Variants in USP12 observed in about 807,000 individuals in gnomAD.
The protein encoded by USP12 is ubiquitin specific peptidase 12.
In USP12, 19 loss-of-function variants were observed where a neutral mutation model predicts 45.5. The ratio of observed to expected loss-of-function variants is 0.42; its 90% CI spans 0.29 to 0.61. USP12 has a LOEUF of 0.61. Among genes scored for constraint, USP12 ranks in the 20% least tolerant of loss-of-function variants. USP12 has a pLI of 0.22. For missense variants in USP12, 242 were observed against 447.7 expected (o/e 0.54, Z 4.15); for synonymous variants, 149 against 148.8 (o/e 1.00, Z -0.01).
intron 1 of USP12, among the ~76,000 whole-genome samples, chr13:27,132,275 T>C (rs1876537798): frequency 6.6e-6 from 1 of 152,200 alleles, no homozygotes; most frequent in South Asian, 2.1e-4. Context: ...GGGTAGCTAA[T>C]GTGTGCAAAG....
intron 1 of USP12, among the ~76,000 whole-genome samples, chr13:27,125,886 T>C (rs1468759780): frequency 6.6e-6 from 1 of 152,208 alleles, no homozygotes; most frequent in Non-Finnish European, 1.5e-5. Flanking sequence ...CCTGGGACGC[T>C]GGAGCTTGGC....
intron 1 of USP12, among the ~76,000 whole-genome samples, chr13:27,163,318 C>T (rs1046238530): frequency 1.3e-5 from 2 of 152,052 alleles, no homozygotes; most frequent in Non-Finnish European, 2.9e-5. Flanking sequence ...TCACAAGACC[C>T]GCTTTCACGC....
At chr13:27,085,855 G>T (rs1873985267) in intron 6 of USP12, among the ~76,000 whole-genome samples, 1 of 151,916 alleles carries the variant, frequency 6.6e-6, no homozygotes, top group Admixed American at 6.6e-5. Context: ...TGGTACTATG[G>T]TATGTTCATA....
At chr13:27,140,046 T>C (rs1485209082) in intron 1 of USP12, among the ~76,000 whole-genome samples, 2 of 152,244 alleles carry the variant, frequency 1.3e-5, no homozygotes, top group African/African-American at 4.8e-5. Flanking sequence ...CTATTGTACT[T>C]ACATTAAAAA....
rs1876393512 is a variant in USP12, at chr13:27,129,475, G to A, written c.49-12879C>T. Among the ~76,000 whole-genome samples the A allele has an allele frequency of 6.6e-6, 1 of 152,170 alleles. No individual in the cohort carries two copies. Among genetic ancestry groups the A allele is most frequent in the South Asian group, 2.1e-4 (1 of 4,830 alleles). On this transcript the variant is annotated intron_variant, in intron 1 of 8. Transcript: ENST00000282344. The surrounding 1 kb of genome is among the most constrained non-coding windows in gnomAD (Gnocchi z 4.0). ...GCAGTGGTTCATGCCCATAATACCA[G>A]CACTTTGGGAAGTCAGAGCAGGAGG...
At position 27,129,890 on chromosome 13, in the gene USP12, C is replaced by T. The variant is rs1876413926; in HGVS notation, c.49-13294G>A. Among the ~76,000 whole-genome samples the T allele has an allele frequency of 2.6e-5, 4 of 152,148 alleles. No individual in the cohort carries two copies. The highest frequency in any genetic ancestry group is 1.3e-4 in the Admixed American group (2 of 15,276). ...GAAGCACGGTCACATCCAAAACATA[C>T]GAGTGGAGTGACCAACATGAAAAAT... On this transcript the variant is annotated intron_variant, in intron 1 of 8. Transcript: ENST00000282344. This position sits in a 1 kb window ranked among gnomAD's most constrained non-coding sequence, Gnocchi z 4.0.
In USP12 at chr13:27,068,756, A is replaced by T. The variant is rs1054005885; in HGVS notation, c.*527T>A. On this transcript the variant is annotated 3_prime_UTR_variant, in exon 9 of 9. Transcript: ENST00000282344. ...AGCAAAACATCTTTGTCTTCCCGAC[A>T]CTGGATTATCTAGCATGTTAGTTTT... is the stretch of plus-strand genomic sequence containing the variant. The T allele has an allele frequency of 1.9e-5, 3 of 154,750 alleles. No homozygotes were observed. Among genetic ancestry groups the T allele is most frequent in the African/African-American group, 7.2e-5 (3 of 41,596 alleles). 9.6% of individuals were successfully genotyped at this position (154,750 alleles called of 1,614,324 possible).
chr13:27,071,264 GCTT>G, intron 7 of USP12, 115 bp from the exon 8 acceptor site: 1 of 865,118 alleles, frequency 1.2e-6, no homozygotes, highest in Non-Finnish European at 1.7e-6. Context: ...AAAAAGAACT[GCTT>G]CTTTTTTATA....
chr13:27,159,703 T>C (rs112896609), intron 1 of USP12, among the ~76,000 whole-genome samples: 1 of 152,212 alleles, frequency 6.6e-6, no homozygotes, highest in African/African-American at 2.4e-5. Context: ...TGCCTAGCAA[T>C]AGCATCACCA....
At position 27,129,242 on chromosome 13, in the gene USP12, AG is replaced by A. The variant is rs1319574974; in HGVS notation, c.49-12647del. ...AACCACAGTTAAGTGGAAAGAACAA[AG>A]CAGCATCTCTGCCAGTCCTGTTTTC... On this transcript the variant is annotated intron_variant, in intron 1 of 8. Coordinates refer to ENST00000282344, the MANE Select transcript of USP12 (RefSeq NM_182488.4). This position sits in a 1 kb window ranked among gnomAD's most constrained non-coding sequence, Gnocchi z 4.0. Among the ~76,000 whole-genome samples, 27 of 14,102 alleles carry A rather than the reference AG, an allele frequency of 1.9e-3. No individual in the cohort carries two copies. The Non-Finnish European group carries it at 0.033, about 17-fold the overall frequency. The allele number at this position is 14,102 out of a possible 152,430, so 9.3% of individuals were successfully genotyped here. A position where few individuals can be genotyped will look rare whatever the true frequency, so the allele number is the denominator to read the frequency against.
intron 1 of USP12, among the ~76,000 whole-genome samples, chr13:27,160,795 T>C (rs74591228): frequency 0.063 from 9,460 of 150,548 alleles, 326 homozygotes; most frequent in Admixed American, 0.086. Flanking sequence ...TTTTTTTTTT[T>C]CCCCCTTCAA....
At chr13:27,075,466 C>G (rs1873434974) in intron 6 of USP12, 78 bp from the exon 7 acceptor site, 1 of 1,281,440 alleles carries the variant, frequency 7.8e-7, no homozygotes. Flanking sequence ...TTTACGATAT[C>G]CAATGAACAG....
intron 6 of USP12, among the ~76,000 whole-genome samples, chr13:27,084,719 T>C (rs189934482): frequency 2.6e-5 from 4 of 152,322 alleles, no homozygotes; most frequent in Non-Finnish European, 4.4e-5. Context: ...TATGGTTTTA[T>C]TTCTGGGTCA....
chr13:27,099,293 CAT>C (rs1273579806), intron 3 of USP12, among the ~76,000 whole-genome samples: 2 of 152,136 alleles, frequency 1.3e-5, no homozygotes, highest in African/African-American at 2.4e-5. Context: ...TTAAAAATAA[CAT>C]AGAGCTTTCC....
intron 1 of USP12, among the ~76,000 whole-genome samples, chr13:27,164,869 G>C (rs1315631703): frequency 6.6e-6 from 1 of 152,130 alleles, no homozygotes; most frequent in Non-Finnish European, 1.5e-5. Context: ...TAAGAGCAAG[G>C]TGGGTAAGTT....
chr13:27,160,823 C>CATGTGCAGG (rs1362400063), intron 1 of USP12, among the ~76,000 whole-genome samples: 1 of 150,090 alleles, frequency 6.7e-6, no homozygotes, highest in Non-Finnish European at 1.5e-5. Flanking sequence ...TTACAGGGTA[C>CATGTGCAGG]ATGTGCAGGA....
intron 1 of USP12, among the ~76,000 whole-genome samples, chr13:27,160,080 C>A (rs116932986): frequency 0.012 from 1,810 of 152,244 alleles, 22 homozygotes; most frequent in Non-Finnish European, 0.018. Context: ...GAAAATACCA[C>A]CTTAAATACA....
chr13:27,123,246 T>A (rs1023782638), intron 1 of USP12, among the ~76,000 whole-genome samples: 3 of 152,178 alleles, frequency 2.0e-5, no homozygotes, highest in African/African-American at 7.2e-5. Context: ...AAATTATAAA[T>A]GACCTGTAAC....
At chr13:27,135,989 T>C (rs1876786077) in intron 1 of USP12, among the ~76,000 whole-genome samples, 1 of 152,188 alleles carries the variant, frequency 6.6e-6, no homozygotes, top group Non-Finnish European at 1.5e-5. Context: ...GATTCTCAAA[T>C]GATTCCTGCC....
Sources: gnomAD v4.1 joint callset for allele counts (sites outside exome capture counted in the v4.1 genomes callset) on GRCh38, gnomAD v4.1.1 for gene constraint, Gnocchi (gnomAD v3.1) non-coding constraint, MANE v1.5 for transcripts, NCBI Gene and HGNC (gene_info 2026-07-23, HGNC 2026-07-21) for gene names.